FTCDNL1: variants seen among roughly 807,000 people sequenced by gnomAD.
FTCDNL1 encodes the protein formiminotransferase N-terminal subdomain-containing protein.
Under a neutral mutation model 5.9 loss-of-function variants are expected in FTCDNL1, and 11 were observed. That is an observed-to-expected ratio of 1.87 (90% CI 1.18 to 3.10). FTCDNL1 has a LOEUF of 3.10. FTCDNL1 is among the 30% of genes most tolerant of loss of function. FTCDNL1 has a pLI of 0.00. For missense variants in FTCDNL1, 115 were observed against 65.5 expected (o/e 1.76, Z -2.61); for synonymous variants, 58 against 24.8 (o/e 2.34, Z -3.99).
At chr2:199,828,334 T>C (rs1467241243) in intron 3 of FTCDNL1, among the ~76,000 whole-genome samples, 3 of 152,246 alleles carry the variant, frequency 2.0e-5, no homozygotes, top group Non-Finnish European at 4.4e-5. Context: ...CAAATCATAT[T>C]GGCCTCTTAA....
chr2:199,719,350 A>C, the FTCDNL1 span, among the ~76,000 whole-genome samples: 1 of 152,090 alleles, frequency 6.6e-6, no homozygotes, highest in African/African-American at 2.4e-5. Flanking sequence ...AGTTGGTTGT[A>C]GGTATGTGGC....
intron 3 of FTCDNL1, among the ~76,000 whole-genome samples, chr2:199,841,749 C>A (rs574243528): frequency 1.3e-5 from 2 of 152,280 alleles, no homozygotes; most frequent in South Asian, 4.1e-4. Context: ...CTGTCCCTCA[C>A]CAGCAACAGC....
chr2:199,758,422 G>A (rs138601327), downstream of FTCDNL1, among the ~76,000 whole-genome samples: 6 of 150,242 alleles, frequency 4.0e-5, no homozygotes, highest in Admixed American at 6.6e-5. Context: ...CTCATTAGTG[G>A]TCAGGGAAAA....
chr2:199,753,266 A>G, the FTCDNL1 span, among the ~76,000 whole-genome samples: 8 of 152,296 alleles, frequency 5.3e-5, no homozygotes, highest in South Asian at 4.1e-4. Flanking sequence ...TGAAAAACAA[A>G]TAGGAGTTTC....
intron 3 of FTCDNL1, among the ~76,000 whole-genome samples, chr2:199,776,602 C>A (rs989894553): frequency 6.6e-6 from 1 of 152,186 alleles, no homozygotes; most frequent in African/African-American, 2.4e-5. Context: ...CTGCACACAA[C>A]CCCTAAGTCA....
At chr2:199,689,516 C>A in the FTCDNL1 span, among the ~76,000 whole-genome samples, 1 of 152,116 alleles carries the variant, frequency 6.6e-6, no homozygotes, top group East Asian at 1.9e-4. Flanking sequence ...TAGTGAGTCA[C>A]CAATTATTCT....
chr2:199,664,245 C>T, the FTCDNL1 span, among the ~76,000 whole-genome samples: 2 of 152,064 alleles, frequency 1.3e-5, no homozygotes, highest in Non-Finnish European at 2.9e-5. Flanking sequence ...ATGGGCTTTG[C>T]CAAGCACTTT....
At chr2:199,839,062 C>A (rs1322910759) in intron 3 of FTCDNL1, among the ~76,000 whole-genome samples, 2 of 152,026 alleles carry the variant, frequency 1.3e-5, no homozygotes, top group Non-Finnish European at 2.9e-5. Flanking sequence ...CTACAGTTGA[C>A]AAACCCCACC....
chr2:199,839,686 T>G (rs1208910483), intron 3 of FTCDNL1, among the ~76,000 whole-genome samples: 1 of 152,088 alleles, frequency 6.6e-6, no homozygotes, highest in East Asian at 1.9e-4. Flanking sequence ...CTCACAAGCC[T>G]CCAGAGAGAA....
chr2:199,804,861 C>A (rs187514116), downstream of FTCDNL1, among the ~76,000 whole-genome samples: 13 of 152,262 alleles, frequency 8.5e-5, no homozygotes, highest in Middle Eastern at 3.4e-3. Context: ...AAAAAATTGT[C>A]AACAGTTGTT....
the FTCDNL1 span, among the ~76,000 whole-genome samples, chr2:199,752,736 C>CTGTGTGTG: frequency 3.9e-5 from 1 of 25,592 alleles, no homozygotes; most frequent in African/African-American, 5.5e-5. Flanking sequence ...CTATCTCTCT[C>CTGTGTGTG]TCTCTGTGTG....
chr2:199,802,276 C>T (rs1700497931), intron 3 of FTCDNL1, among the ~76,000 whole-genome samples: 1 of 152,146 alleles, frequency 6.6e-6, no homozygotes, highest in Admixed American at 6.5e-5. Context: ...TCTTATGTAT[C>T]ACTAGGATAA....
At chr2:199,843,965 T>C (rs1462108195) in intron 3 of FTCDNL1, among the ~76,000 whole-genome samples, 1 of 148,432 alleles carries the variant, frequency 6.7e-6, no homozygotes, top group Admixed American at 6.7e-5. Flanking sequence ...AAAAAAAAAG[T>C]CAAAGGAAAA....
chr2:199,770,529 A>G (rs1698758356), intron 3 of FTCDNL1, among the ~76,000 whole-genome samples: 1 of 152,218 alleles, frequency 6.6e-6, no homozygotes, highest in Admixed American at 6.5e-5. Flanking sequence ...AATCCTTAGT[A>G]TAGCCCTTCC....
At chr2:199,845,944 T>C (rs943701756) in intron 3 of FTCDNL1, 131 bp downstream of exon 3, 1 of 445,606 alleles carries the variant, frequency 2.2e-6, no homozygotes, top group Non-Finnish European at 4.0e-6. Flanking sequence ...TAAGTGTAGC[T>C]TTGTGGTAGA....
chr2:199,756,140 T>C (rs972067993), downstream of FTCDNL1, among the ~76,000 whole-genome samples: 3 of 152,194 alleles, frequency 2.0e-5, no homozygotes, highest in Non-Finnish European at 2.9e-5. Flanking sequence ...ATGCATTTCA[T>C]TGGGGTAATA....
At chr2:199,739,690 G>C in the FTCDNL1 span, among the ~76,000 whole-genome samples, 1 of 152,174 alleles carries the variant, frequency 6.6e-6, no homozygotes, top group Non-Finnish European at 1.5e-5. Context: ...GATAATACTA[G>C]AGTGATTTTC....
At chr2:199,690,223 C>T in the FTCDNL1 span, among the ~76,000 whole-genome samples, 25 of 152,290 alleles carry the variant, frequency 1.6e-4, no homozygotes, top group African/African-American at 5.3e-4. Flanking sequence ...TTGGGGTTTC[C>T]ACTGTATGCA....
At chr2:199,730,700 C>T in the FTCDNL1 span, among the ~76,000 whole-genome samples, 1 of 152,162 alleles carries the variant, frequency 6.6e-6, no homozygotes, top group Non-Finnish European at 1.5e-5. Context: ...ACAACAGATG[C>T]TGGCAAGGAT....
Sources: allele counts gnomAD v4.1 joint callset (sites outside exome capture counted in the v4.1 genomes callset), GRCh38; gene constraint gnomAD v4.1.1; transcripts MANE v1.5; gene names NCBI Gene and HGNC (gene_info 2026-07-23, HGNC 2026-07-21).